Variants in EHBP1 observed in about 807,000 individuals in gnomAD.
EHBP1 encodes the protein EH domain binding protein 1.
In EHBP1, 55 loss-of-function variants were observed where a neutral mutation model predicts 144.0. The observed-to-expected ratio is 0.38, with a 90% CI of 0.31 to 0.48. EHBP1 has a LOEUF of 0.48. Ranked by LOEUF, EHBP1 falls within the 20% of genes least tolerant of loss-of-function variation. The pLI, the probability that EHBP1 is intolerant of heterozygous loss-of-function variation, is 0.98. For synonymous variants in EHBP1, 469 were observed against 472.7 expected (o/e 0.99, Z 0.10); for missense variants, 1,200 against 1,364.2 (o/e 0.88, Z 1.90).
At chr2:62,686,416 T>C (rs964755250) in intron 1 of EHBP1, among the ~76,000 whole-genome samples, 1 of 152,192 alleles carries the variant, frequency 6.6e-6, no homozygotes, top group African/African-American at 2.4e-5. Context: ...CCTCTCCCTA[T>C]ATTTTCAGTC....
At chr2:62,718,034 T>C (rs1343079013) in intron 2 of EHBP1, among the ~76,000 whole-genome samples, 1 of 152,212 alleles carries the variant, frequency 6.6e-6, no homozygotes, top group African/African-American at 2.4e-5. Flanking sequence ...TTGCAGACTT[T>C]TCTTAGACCT....
chr2:62,933,739 A>G (rs1439542118), intron 10 of EHBP1, among the ~76,000 whole-genome samples: 2 of 152,236 alleles, frequency 1.3e-5, no homozygotes, highest in Non-Finnish European at 2.9e-5. Flanking sequence ...TTCTTGTGGT[A>G]TCATGATTTT....
chr2:62,870,219 G>A (rs1356297613), intron 9 of EHBP1, among the ~76,000 whole-genome samples: 2 of 152,032 alleles, frequency 1.3e-5, no homozygotes, highest in East Asian at 1.9e-4. Flanking sequence ...TTGTGCATTG[G>A]TTAGCTCTTA....
chr2:62,981,098 T>G (rs1429579439), intron 15 of EHBP1, among the ~76,000 whole-genome samples: 2 of 150,916 alleles, frequency 1.3e-5, no homozygotes, highest in Non-Finnish European at 3.0e-5. Context: ...AAAGAATTCT[T>G]CATCTTCCCT....
At chr2:62,867,364 CTA>C (rs2050124343) in intron 9 of EHBP1, among the ~76,000 whole-genome samples, 1 of 151,804 alleles carries the variant, frequency 6.6e-6, no homozygotes, top group South Asian at 2.1e-4. Flanking sequence ...GGTACTAAAA[CTA>C]AAAAGTAAAT....
chr2:62,704,553 C>CT (rs2034387789), upstream of EHBP1, among the ~76,000 whole-genome samples: 1 of 152,180 alleles, frequency 6.6e-6, no homozygotes, highest in African/African-American at 2.4e-5. Flanking sequence ...CGCTTGCTTT[C>CT]TTTTTATGTT....
chr2:62,790,899 G>A (rs143830408), intron 5 of EHBP1, among the ~76,000 whole-genome samples: 42 of 152,072 alleles, frequency 2.8e-4, no homozygotes, highest in African/African-American at 8.7e-4. Flanking sequence ...TCAAATTAGT[G>A]TTGTAATATT....
At chr2:62,950,323 A>G (rs1031523779) in intron 13 of EHBP1, among the ~76,000 whole-genome samples, 4 of 152,214 alleles carry the variant, frequency 2.6e-5, no homozygotes, top group Non-Finnish European at 5.9e-5. Context: ...TCACAAGAGT[A>G]TGATGGCATT....
At chr2:62,819,349 A>G (rs1252209531) in intron 5 of EHBP1, among the ~76,000 whole-genome samples, 1 of 152,248 alleles carries the variant, frequency 6.6e-6, no homozygotes, top group African/African-American at 2.4e-5. Context: ...AAAGGTGTAC[A>G]TGTACATATC....
chr2:62,846,931 A>G (rs189791862), intron 7 of EHBP1, among the ~76,000 whole-genome samples: 49 of 152,352 alleles, frequency 3.2e-4, no homozygotes, highest in Admixed American at 3.3e-4. Context: ...ATCCAACTCA[A>G]TGCCAGTCAT....
chr2:62,691,065 T>C (rs762082149), intron 1 of EHBP1, among the ~76,000 whole-genome samples: 7 of 152,232 alleles, frequency 4.6e-5, no homozygotes, highest in Non-Finnish European at 7.3e-5. Flanking sequence ...GGCTTTAATT[T>C]TTTGAAAGAG....
In EHBP1 at chr2:62,835,921, G is replaced by A. The variant is rs747875868; in HGVS notation, c.634+4763G>A. On this transcript the variant is annotated intron_variant, in intron 7 of 22. Transcript: ENST00000431489. ...GTGGCAGCGAGGCTGGGGGAGGGGCGCCCGCCATTGCCCAGGCTTGCTTAG... is the reference window on the plus strand; with the variant it reads ...GTGGCAGCGAGGCTGGGGGAGGGGCACCCGCCATTGCCCAGGCTTGCTTAG... Among the ~76,000 whole-genome samples the A allele has an allele frequency of 9.6e-3, 1,452 of 152,038 alleles. 9 individuals carry two copies. Among genetic ancestry groups the A allele is most frequent in the Non-Finnish European group, 0.014 (930 of 67,908 alleles).
intron 21 of EHBP1, 88 bp downstream of exon 21, chr2:63,038,904 A>G (rs770206674): frequency 3.1e-6 from 4 of 1,301,832 alleles, no homozygotes; most frequent in Admixed American, 3.5e-5. Context: ...GTCTTACTAG[A>G]TCTGGTGTAC....
At chr2:62,950,837 C>A (rs1379091775) in intron 13 of EHBP1, among the ~76,000 whole-genome samples, 1 of 152,108 alleles carries the variant, frequency 6.6e-6, no homozygotes, top group African/African-American at 2.4e-5. Flanking sequence ...GGGCATGTGC[C>A]ACCACACCCG....
intron 2 of EHBP1, among the ~76,000 whole-genome samples, chr2:62,729,444 A>AATAAATATG (rs1386718435): frequency 8.4e-6 from 1 of 119,552 alleles, no homozygotes; most frequent in Non-Finnish European, 1.6e-5. Context: ...TAATAAATAT[A>AATAAATATG]ATAATAAATA....
In EHBP1 at chr2:62,714,843, T is replaced by G. The variant is rs540390235; in HGVS notation, c.104+7548T>G. Reference sequence around the variant, plus strand: ...GGGAGGTAGGAGTAACCAGGGAATGTGCCTGCAGAAGTACAGTGCTGAAAT... The same window carrying G: ...GGGAGGTAGGAGTAACCAGGGAATGGGCCTGCAGAAGTACAGTGCTGAAAT... On this transcript the variant is annotated intron_variant, in intron 2 of 22. Transcript: ENST00000431489. Among the ~76,000 whole-genome samples the G allele has an allele frequency of 2.0e-5, 3 of 152,306 alleles. No homozygotes were observed. The East Asian group carries it at 5.8e-4, about 29-fold the overall frequency.
intron 1 of EHBP1, among the ~76,000 whole-genome samples, chr2:62,698,296 ACT>A (rs1373890767): frequency 6.6e-6 from 1 of 152,094 alleles, no homozygotes; most frequent in African/African-American, 2.4e-5. Flanking sequence ...CAAGTATAAC[ACT>A]CTCCTTTTCC....
intron 3 of EHBP1, among the ~76,000 whole-genome samples, chr2:62,761,607 G>T (rs1371716211): frequency 6.6e-6 from 1 of 152,070 alleles, no homozygotes; most frequent in Admixed American, 6.6e-5. Flanking sequence ...TTTTCAATCT[G>T]TTAAATCTGC....
intron 10 of EHBP1, among the ~76,000 whole-genome samples, chr2:62,941,611 C>T (rs2056760319): frequency 6.6e-6 from 1 of 152,002 alleles, no homozygotes; most frequent in South Asian, 2.1e-4. Context: ...TTGTTTGGTA[C>T]TAACATGCTT....
Sources: gnomAD v4.1 joint callset for allele counts (sites outside exome capture counted in the v4.1 genomes callset) on GRCh38, gnomAD v4.1.1 for gene constraint, MANE v1.5 for transcripts, NCBI Gene and HGNC (gene_info 2026-07-23, HGNC 2026-07-21) for gene names.